The following NAV2 variants were observed in gnomAD, a reference collection of about 807,000 sequenced individuals.
NAV2 encodes helicase, APC down-regulated 1.
NAV2 carries 54 observed loss-of-function variants against 223.2 expected under a neutral mutation model. The observed-to-expected ratio is 0.24, with a 90% CI of 0.19 to 0.30. The LOEUF (loss-of-function observed/expected upper bound fraction) is 0.30, where lower values mean the gene tolerates loss of function less well. Among genes scored for constraint, NAV2 ranks in the 10% least tolerant of loss-of-function variants. NAV2 has a pLI of 1.00. For synonymous variants in NAV2, 1,279 were observed against 1,239.3 expected, an observed-to-expected ratio of 1.03 and a Z score of -0.67; for missense variants, 2,806 against 3,147.5, an observed-to-expected ratio of 0.89 and a Z score of 2.60.
intron 1 of NAV2, among the ~76,000 whole-genome samples, chr11:19,476,319 A>T (rs574561175): frequency 2.6e-5 from 4 of 151,530 alleles, no homozygotes; most frequent in Admixed American, 1.3e-4. Flanking sequence ...AGTTCTCTAA[A>T]CCCCCAACAT....
chr11:19,977,842 T>C, intron 10 of NAV2, among the ~76,000 whole-genome samples: 1 of 146,668 alleles, frequency 6.8e-6, no homozygotes, highest in East Asian at 2.0e-4. Flanking sequence ...TTCACTCCGG[T>C]TGCCCAGGCT....
chr11:19,348,910 G>A (rs919817179), upstream of NAV2, among the ~76,000 whole-genome samples: 1 of 152,206 alleles, frequency 6.6e-6, no homozygotes, highest in African/African-American at 2.4e-5. Context: ...AGGGTAATAC[G>A]TATAGCCAGT....
At position 19,830,477 on chromosome 11, in the gene NAV2, T is replaced by C. The variant is rs189700418; in HGVS notation, c.268-2007T>C. Among the ~76,000 whole-genome samples, 4 of 152,348 alleles carry C rather than the reference T, an allele frequency of 2.6e-5. No individual in the cohort carries two copies. The East Asian group carries it at 7.7e-4, about 29-fold the overall frequency. ...TTTACCTTTCTGCTCTTCAGTTTTC[T>C]CCTCTGAAAAGTGGACACAATAATA... On this transcript the variant is annotated intron_variant, in intron 1 of 37. Coordinates refer to ENST00000349880, the MANE Select transcript of NAV2 (RefSeq NM_145117.5).
In NAV2 at chr11:19,805,714, T is replaced by C. The variant is rs190819993; in HGVS notation, c.268-26770T>C. Among the ~76,000 whole-genome samples the C allele has an allele frequency of 1.1e-4, 16 of 152,328 alleles. No homozygotes were observed. The East Asian group carries it at 2.9e-3, about 27-fold the overall frequency. ...AAATATCTAACCATGTTTATCTAGGTTCTTCAAAAGATAATCTTGAGGAAC... is the reference window on the plus strand; with the variant it reads ...AAATATCTAACCATGTTTATCTAGGCTCTTCAAAAGATAATCTTGAGGAAC... On this transcript the variant is annotated intron_variant, in intron 1 of 37. Transcript: ENST00000349880.
intron 1 of NAV2, among the ~76,000 whole-genome samples, chr11:19,365,443 T>C (rs1053326728): frequency 2.0e-5 from 3 of 152,236 alleles, no homozygotes; most frequent in East Asian, 3.8e-4. Flanking sequence ...AGAAAGTCAC[T>C]TCACCTCGGT....
chr11:19,760,019 T>C (rs1297270523), intron 1 of NAV2: 2 of 154,088 alleles, frequency 1.3e-5, no homozygotes, highest in African/African-American at 2.4e-5. Flanking sequence ...ACATAGGTGT[T>C]ATCCTGTCCA....
intron 1 of NAV2, among the ~76,000 whole-genome samples, chr11:19,461,154 G>A (rs1394791674): frequency 1.3e-5 from 2 of 151,826 alleles, no homozygotes; most frequent in African/African-American, 4.8e-5. Flanking sequence ...GGCAACTACA[G>A]TGCTGAGTAA....
chr11:19,906,927 T>G (rs1377730140), intron 6 of NAV2, among the ~76,000 whole-genome samples: 1 of 152,184 alleles, frequency 6.6e-6, no homozygotes, highest in East Asian at 1.9e-4. Context: ...TGTTGTGTGA[T>G]GAAGATGATC....
chr11:20,005,806 C>T (rs1345860672), intron 11 of NAV2, among the ~76,000 whole-genome samples: 5 of 152,134 alleles, frequency 3.3e-5, no homozygotes, highest in Non-Finnish European at 7.4e-5. Flanking sequence ...TGCCTGAGGT[C>T]GGACAGCTGG....
At chr11:19,885,220 T>C (rs537927433) in intron 5 of NAV2, among the ~76,000 whole-genome samples, 1 of 152,214 alleles carries the variant, frequency 6.6e-6, no homozygotes, top group Non-Finnish European at 1.5e-5. Context: ...ATGAGGAAAC[T>C]AAAATTTAGG....
chr11:19,895,178 TAGCTC>T (rs2041873295), intron 6 of NAV2, among the ~76,000 whole-genome samples: 1 of 147,472 alleles, frequency 6.8e-6, no homozygotes, highest in Non-Finnish European at 1.5e-5. Context: ...GGCACAGTCT[TAGCTC>T]AGCCTGCCAA....
chr11:19,746,763 T>C (rs2053389908), intron 1 of NAV2, among the ~76,000 whole-genome samples: 1 of 152,066 alleles, frequency 6.6e-6, no homozygotes, highest in Admixed American at 6.6e-5. Flanking sequence ...TAAGATAATG[T>C]CCAGGATGCC....
intron 1 of NAV2, among the ~76,000 whole-genome samples, chr11:19,729,001 A>G (rs1412581906): frequency 6.6e-6 from 1 of 152,158 alleles, no homozygotes; most frequent in Non-Finnish European, 1.5e-5. Context: ...TGTACTCAGG[A>G]TTACCCAGGG....
chr11:19,934,415 A>T, intron 7 of NAV2, 138 bp downstream of exon 7: 2 of 1,022,014 alleles, frequency 2.0e-6, no homozygotes, highest in Non-Finnish European at 2.7e-6. Flanking sequence ...CACGTGATGA[A>T]CTCCTAAGAG....
chr11:19,662,197 AAAGGTGAAAAG>A (rs1396626090), intron 1 of NAV2, among the ~76,000 whole-genome samples: 1 of 152,230 alleles, frequency 6.6e-6, no homozygotes, highest in Non-Finnish European at 1.5e-5. Flanking sequence ...TAATAGAAAA[AAAGGTGAAAAG>A]AATATGAGAC....
rs183826208 is a variant in NAV2, at chr11:19,440,375, G to T, written c.75+89348G>T. Among the ~76,000 whole-genome samples the T allele has an allele frequency of 7.4e-3, 1,129 of 152,270 alleles. 48 individuals are homozygous for T. Among genetic ancestry groups the T allele is most frequent in the Admixed American group, 0.063 (970 of 15,288 alleles). ...GTGATGGTTAAACCAAGTGCTTCAG[G>T]ATGAGTTGGAGTTAGGCAAAGGGAA... On this transcript the variant is annotated intron_variant, in intron 1 of 37. Coordinates refer to the NAV2 transcript ENST00000360655.
chr11:20,103,441 C>G, intron 33 of NAV2, 32 bp downstream of exon 33: 1 of 1,602,764 alleles, frequency 6.2e-7, no homozygotes, highest in Non-Finnish European at 8.5e-7. Context: ...CATAGCCCCC[C>G]GGGAGAGAGT....
chr11:19,555,187 T>C (rs77942480), intron 1 of NAV2, among the ~76,000 whole-genome samples: 4,517 of 152,072 alleles, frequency 0.03, 240 homozygotes, highest in African/African-American at 0.1. Flanking sequence ...ATGCCATCAA[T>C]GAGGTGGGGA....
At chr11:19,388,647 C>T (rs1008656655) in intron 1 of NAV2, among the ~76,000 whole-genome samples, 5 of 152,216 alleles carry the variant, frequency 3.3e-5, no homozygotes, top group South Asian at 2.1e-4. Flanking sequence ...TGCTTGACCC[C>T]GAATGCTGCT....
Sources: gnomAD v4.1 joint callset for allele counts (sites outside exome capture counted in the v4.1 genomes callset) on GRCh38, gnomAD v4.1.1 for gene constraint, MANE v1.5 for transcripts, NCBI Gene and HGNC (gene_info 2026-07-23, HGNC 2026-07-21) for gene names.